EPHA4: variants seen among roughly 807,000 people sequenced by gnomAD.
The protein encoded by EPHA4 is ephrin type-A receptor 4.
EPHA4 carries 19 observed loss-of-function variants against 108.3 expected under a neutral mutation model. That is an observed-to-expected ratio of 0.18 (90% confidence interval 0.12 to 0.26). The LOEUF is 0.26. Ranked by LOEUF, EPHA4 falls within the 10% of genes least tolerant of loss-of-function variation. The pLI is 1.00. For synonymous variants in EPHA4, 449 were observed against 455.5 expected (o/e 0.99, Z 0.18); for missense variants, 917 against 1,254.0 (o/e 0.73, Z 4.06).
At chr2:221,511,524 A>ACCTCACTTCCGCTTTC (rs1692828930) in intron 3 of EPHA4, among the ~76,000 whole-genome samples, 1 of 151,974 alleles carries the variant, frequency 6.6e-6, no homozygotes, top group East Asian at 1.9e-4. Flanking sequence ...CGATTTCTGT[A>ACCTCACTTCCGCTTTC]TGTCACTTCC....
chr2:221,443,529 C>A lies in EPHA4; in HGVS notation c.1852G>T (p.Ala618Ser). 1 of 1,613,822 alleles carries A rather than the reference C, an allele frequency of 6.2e-7. No individual in the cohort carries two copies. The highest frequency in any genetic ancestry group is 8.5e-7 in the Non-Finnish European group (1 of 1,179,912). Residue 618 changes from alanine to serine, a missense_variant, in exon 10 of 18, where the codon GCA becomes TCA. Physicochemically the swap from Ala to Ser is moderately conservative, Grantham distance 99. Around this residue, in one of 3 missense-constraint regions of EPHA4, gnomAD observed 758 missense variants for 1,076.7 expected, o/e 0.70. Transcript: ENST00000281821. ...AVREFAKEID[A>S]SCIKIEKVIG... Reference sequence around the variant, plus strand: ...ACTTTTTCAATCTTAATGCAGGATGCGTCAATTTCTTTGGCAAACTCTCGC... The same window carrying A: ...ACTTTTTCAATCTTAATGCAGGATGAGTCAATTTCTTTGGCAAACTCTCGC...
intron 3 of EPHA4, among the ~76,000 whole-genome samples, chr2:221,542,448 A>G (rs1693864596): frequency 6.6e-6 from 1 of 152,198 alleles, no homozygotes; most frequent in Non-Finnish European, 1.5e-5. Flanking sequence ...CTCATAAAGA[A>G]AGGGAATTAG....
intron 4 of EPHA4, among the ~76,000 whole-genome samples, chr2:221,490,506 C>T (rs1396798337): frequency 2.0e-5 from 3 of 152,174 alleles, no homozygotes; most frequent in Non-Finnish European, 4.4e-5. Flanking sequence ...CTCCCATGAT[C>T]GATGTATTTA....
At chr2:221,546,486 T>G (rs1694002465) in intron 3 of EPHA4, among the ~76,000 whole-genome samples, 1 of 151,920 alleles carries the variant, frequency 6.6e-6, no homozygotes, top group Non-Finnish European at 1.5e-5. Flanking sequence ...TTTTTTCCCC[T>G]CCACCTCTTC....
chr2:221,445,394 C>A (rs531770109), intron 9 of EPHA4, among the ~76,000 whole-genome samples: 1 of 151,884 alleles, frequency 6.6e-6, no homozygotes, highest in Non-Finnish European at 1.5e-5. Context: ...TGGAGACCAT[C>A]CTGGCTAACA....
rs1559230724 is a variant in EPHA4, at chr2:221,419,100, C to T, written c.*2272G>A. 6.6e-6 allele frequency: 1 copy of T among 152,536 alleles called. No individual in the cohort carries two copies. Among genetic ancestry groups the T allele is most frequent in the African/African-American group, 2.4e-5 (1 of 41,402 alleles). The allele number at this position is 152,536 out of a possible 1,614,324, so 9.4% of individuals were successfully genotyped here. A position where few individuals can be genotyped will look rare whatever the true frequency, so the allele number is the denominator to read the frequency against. On this transcript the variant is annotated 3_prime_UTR_variant, in exon 18 of 18. Transcript: ENST00000281821. Reference sequence around the variant, plus strand: ...TTGATGTTATAGCTTATATAAATGGCCACGGTTTCTGCAACCACAGCTTAG... The same window carrying T: ...TTGATGTTATAGCTTATATAAATGGTCACGGTTTCTGCAACCACAGCTTAG...
intron 3 of EPHA4, among the ~76,000 whole-genome samples, chr2:221,524,358 A>C (rs1021239159): frequency 2.0e-5 from 3 of 152,222 alleles, no homozygotes; most frequent in African/African-American, 7.2e-5. Context: ...GTCAAGAGGG[A>C]AAGTGGTAAA....
At chr2:221,531,306 T>C (rs1693505635) in intron 3 of EPHA4, among the ~76,000 whole-genome samples, 1 of 152,158 alleles carries the variant, frequency 6.6e-6, no homozygotes, top group South Asian at 2.1e-4. Flanking sequence ...GAAATACTGA[T>C]TATATTTTAC....
chr2:221,509,867 A>G lies in EPHA4; in HGVS notation c.824-8695T>C, dbSNP rs370032800. Among the ~76,000 whole-genome samples, 7 of 152,376 alleles carry G rather than the reference A, an allele frequency of 4.6e-5. No homozygotes were observed. The South Asian group carries it at 1.2e-3, about 27-fold the overall frequency. ...TGATAGCAAGGGCAGTGGGAGACAT[A>G]ACGGGAAAGGCCTGAACTTGGTTTT... On this transcript the variant is annotated intron_variant, in intron 3 of 17. Coordinates refer to ENST00000281821, the MANE Select transcript of EPHA4 (RefSeq NM_004438.5).
chr2:221,485,467 A>G (rs1051435011), intron 4 of EPHA4, among the ~76,000 whole-genome samples: 8 of 152,212 alleles, frequency 5.3e-5, no homozygotes, highest in Admixed American at 5.2e-4. Context: ...CGTATGTTTT[A>G]TGCTTTGCTA....
intron 5 of EPHA4, among the ~76,000 whole-genome samples, chr2:221,472,408 C>T (rs539178608): frequency 6.6e-6 from 1 of 152,068 alleles, no homozygotes; most frequent in Admixed American, 6.6e-5. Context: ...TAAGCTACCC[C>T]CTTTTCAGTG....
chr2:221,480,229 C>T (rs926980845), intron 5 of EPHA4, among the ~76,000 whole-genome samples: 1 of 152,112 alleles, frequency 6.6e-6, no homozygotes, highest in African/African-American at 2.4e-5. Flanking sequence ...GGAGCCAAGC[C>T]TGTCCTCAGC....
rs529445693 is a variant in EPHA4, at chr2:221,450,935, C to T, written c.1715+4612G>A. Among the ~76,000 whole-genome samples, 303 of 152,192 alleles carry T rather than the reference C, an allele frequency of 2.0e-3. 2 individuals carry two copies. Among genetic ancestry groups the T allele is most frequent in the African/African-American group, 7.1e-3 (296 of 41,532 alleles). On this transcript the variant is annotated intron_variant, in intron 8 of 17. Coordinates refer to ENST00000281821, the MANE Select transcript of EPHA4 (RefSeq NM_004438.5). ...GAATAATAAAATACTGTTTTGGGGCCGGGTGTGGTAGCTCACGCCTGTAAT... is the reference window on the plus strand; with the variant it reads ...GAATAATAAAATACTGTTTTGGGGCTGGGTGTGGTAGCTCACGCCTGTAAT...
chr2:221,475,215 G>A (rs1419752155), intron 5 of EPHA4, among the ~76,000 whole-genome samples: 2 of 152,124 alleles, frequency 1.3e-5, no homozygotes, highest in Non-Finnish European at 2.9e-5. Flanking sequence ...GCAACTATAG[G>A]ACCTAGGCAA....
intron 3 of EPHA4, among the ~76,000 whole-genome samples, chr2:221,521,380 C>T (rs921633882): frequency 1.3e-5 from 2 of 152,016 alleles, no homozygotes; most frequent in African/African-American, 2.4e-5. Context: ...AGACCAAATG[C>T]CAGAGACAGT....
At chr2:221,530,892 C>A (rs1184681445) in intron 3 of EPHA4, among the ~76,000 whole-genome samples, 1 of 152,002 alleles carries the variant, frequency 6.6e-6, no homozygotes. Flanking sequence ...GAAGCACCAC[C>A]ACCTCCCCCT....
At chr2:221,546,949 T>G (rs896110523) in intron 3 of EPHA4, among the ~76,000 whole-genome samples, 1 of 151,760 alleles carries the variant, frequency 6.6e-6, no homozygotes, top group Non-Finnish European at 1.5e-5. Context: ...GCTAAAAAAA[T>G]AAAAGGGGGG....
At chr2:221,464,684 T>C (rs1026148394) in intron 5 of EPHA4, among the ~76,000 whole-genome samples, 5 of 152,198 alleles carry the variant, frequency 3.3e-5, no homozygotes, top group African/African-American at 1.2e-4. Context: ...CCAGGTCAAC[T>C]CCTCTGCCAT....
intron 5 of EPHA4, among the ~76,000 whole-genome samples, chr2:221,462,465 T>C (rs187825067): frequency 5.9e-5 from 9 of 152,242 alleles, no homozygotes; most frequent in African/African-American, 9.6e-5. Flanking sequence ...CAAATCATGG[T>C]GACACATGCA....
Sources: allele counts gnomAD v4.1 joint callset (sites outside exome capture counted in the v4.1 genomes callset), GRCh38; gene constraint gnomAD v4.1.1; regional missense constraint gnomAD v4.1.1; transcripts MANE v1.5; gene names NCBI Gene and HGNC (gene_info 2026-07-23, HGNC 2026-07-21).